DCAF17: variants seen among roughly 807,000 people sequenced by gnomAD.
DCAF17 encodes DDB1- and CUL4-associated factor 17.
Under a neutral mutation model 66.0 loss-of-function variants are expected in DCAF17, and 48 were observed. That is an observed-to-expected ratio of 0.73 (90% CI 0.58 to 0.92). DCAF17 has a LOEUF of 0.92. DCAF17 is among the 40% of genes least tolerant of loss of function. The pLI, the probability that DCAF17 is intolerant of heterozygous loss-of-function variation, is 0.00. For synonymous variants in DCAF17, 206 were observed against 214.6 expected, an observed-to-expected ratio of 0.96 and a Z score of 0.35; for missense variants, 562 against 622.8, an observed-to-expected ratio of 0.90 and a Z score of 1.04.
rs1695576359 is a variant in DCAF17, at chr2:171,461,355, AG to A, written c.838+2880del. On this transcript the variant is annotated intron_variant, in intron 8 of 13. Transcript: ENST00000375255. ...GGCAGGAGAATTGCTTGAACCCAGGAGGCAGAGGTTGCAGTGAGCCGAGATC... is the reference window on the plus strand; with the variant it reads ...GGCAGGAGAATTGCTTGAACCCAGGAGCAGAGGTTGCAGTGAGCCGAGATC... 2.0e-5 allele frequency among the ~76,000 whole-genome samples: 3 copies of A among 152,164 alleles called. No individual in the cohort carries two copies. In the South Asian group the frequency reaches 6.2e-4, roughly 32 times the overall value.
At chr2:171,454,789 C>T (rs1189267457) in intron 6 of DCAF17, among the ~76,000 whole-genome samples, 4 of 151,148 alleles carry the variant, frequency 2.6e-5, no homozygotes, top group African/African-American at 7.3e-5. Context: ...CCCAGCTACT[C>T]GGGAGGCTGA....
intron 11 of DCAF17, among the ~76,000 whole-genome samples, chr2:171,477,446 T>C (rs1268304235): frequency 1.5e-5 from 2 of 137,434 alleles, no homozygotes; most frequent in South Asian, 2.4e-4. Context: ...CTATAATCTT[T>C]TAAATAATTT....
intron 8 of DCAF17, among the ~76,000 whole-genome samples, chr2:171,465,204 G>GAAA (rs1198249311): frequency 1.5e-5 from 2 of 134,270 alleles, no homozygotes; most frequent in Non-Finnish European, 1.6e-5. Flanking sequence ...TCTCAAAAAG[G>GAAA]AAAAAAAAAA....
At chr2:171,434,862 G>C in intron 1 of DCAF17, 159 bp downstream of exon 1, 1 of 1,168,870 alleles carries the variant, frequency 8.6e-7, no homozygotes, top group Non-Finnish European at 1.2e-6. Context: ...GGTGGTAATA[G>C]GGCCACCAGC....
chr2:171,436,882 C>G (rs933385904), intron 2 of DCAF17, among the ~76,000 whole-genome samples: 1 of 150,416 alleles, frequency 6.6e-6, no homozygotes, highest in African/African-American at 2.4e-5. Context: ...TCAGGTGATT[C>G]TCCTGCCTCA....
intron 8 of DCAF17, among the ~76,000 whole-genome samples, chr2:171,466,268 CCTT>C (rs1370288249): frequency 5.3e-5 from 8 of 151,948 alleles, no homozygotes; most frequent in East Asian, 3.8e-4. Context: ...CAGGTGTAGC[CCTT>C]CTTCTTTGAT....
Position 171,458,025 on chromosome 2 carries a change from T to C in DCAF17, c.682T>C (p.Tyr228His), listed in dbSNP as rs1163628917. The C allele has an allele frequency of 6.2e-7, 1 of 1,614,116 alleles. No individual in the cohort carries two copies. The highest frequency in any genetic ancestry group is 2.2e-5 in the East Asian group (1 of 44,882). The change falls in exon 7 of 14, where the codon TAC (tyrosine) becomes CAC (histidine). Residue 228 changes from tyrosine to histidine, a missense_variant. By Grantham distance (83) the Tyr-to-His change is moderately conservative (BLOSUM62 2). Transcript: ENST00000375255. The part of the protein sequence containing the change: ...TLSHGILIVM[Y>H]SSGLVRLYSF... Reference sequence around the variant, plus strand: ...GTCTCATGGAATACTGATTGTGATGTACAGCTCAGGACTGGTCAGACTCTA... The same window carrying C: ...GTCTCATGGAATACTGATTGTGATGCACAGCTCAGGACTGGTCAGACTCTA...
chr2:171,450,684 G>A (rs1694899317), intron 5 of DCAF17, among the ~76,000 whole-genome samples: 1 of 152,076 alleles, frequency 6.6e-6, no homozygotes, highest in African/African-American at 2.4e-5. Context: ...GTCTCCCCTT[G>A]GCAGAGTCTG....
At chr2:171,440,541 T>A (rs1166388836) in intron 2 of DCAF17, among the ~76,000 whole-genome samples, 6 of 152,282 alleles carry the variant, frequency 3.9e-5, no homozygotes, top group African/African-American at 1.4e-4. Flanking sequence ...GCCACTGCAC[T>A]CCAGCCTGAG....
In DCAF17 at chr2:171,479,876, C is replaced by T. The variant is rs1696662813; in HGVS notation, c.1267-162C>T. 6 of 738,116 alleles carry T rather than the reference C, an allele frequency of 8.1e-6. No individual in the cohort carries two copies. In the South Asian group the frequency reaches 1.1e-4, roughly 14 times the overall value. 45.7% of individuals were successfully genotyped at this position (738,116 alleles called of 1,614,324 possible). On this transcript the variant is annotated intron_variant, in intron 12 of 13. Coordinates refer to ENST00000375255, the MANE Select transcript of DCAF17 (RefSeq NM_025000.4). ...ATCTTGGAGCTGATGTTTTACTAGG[C>T]ATATAAACAGATACATTTCTACCTA...
intron 5 of DCAF17, among the ~76,000 whole-genome samples, chr2:171,450,967 A>G (rs986925219): frequency 4.6e-5 from 7 of 151,972 alleles, no homozygotes; most frequent in African/African-American, 1.5e-4. Context: ...GCTCTTATGC[A>G]CTGTAGTAAG....
rs758748448 is a variant in DCAF17 at position 171,484,584 on chromosome 2, A to AT, written c.*3477dup. On this transcript the variant is annotated 3_prime_UTR_variant, in exon 14 of 14. Coordinates refer to ENST00000375255, the MANE Select transcript of DCAF17 (RefSeq NM_025000.4). Reference sequence around the variant, plus strand: ...AGTTTAGTATTTATTTAGTTTTTAAATTTTTTTGATTTAAGATTTACCTGC... The same window carrying AT: ...AGTTTAGTATTTATTTAGTTTTTAAATTTTTTTTGATTTAAGATTTACCTGC... 33 of 451,762 alleles carry AT rather than the reference A, an allele frequency of 7.3e-5. No homozygotes were observed. The highest frequency in any genetic ancestry group is 1.3e-4 in the Non-Finnish European group (29 of 226,234). The allele number at this position is 451,762 out of a possible 1,614,324, so 28.0% of individuals were successfully genotyped here.
intron 8 of DCAF17, among the ~76,000 whole-genome samples, chr2:171,463,138 C>T (rs778717106): frequency 3.3e-5 from 5 of 150,312 alleles, no homozygotes; most frequent in Non-Finnish European, 5.9e-5. Flanking sequence ...GGCTGAGGCA[C>T]GAGAATCACT....
In DCAF17 at chr2:171,485,018, T is replaced by C. The variant is rs1444239790; in HGVS notation, c.*3904T>C. On this transcript the variant is annotated 3_prime_UTR_variant, in exon 14 of 14. Coordinates refer to ENST00000375255, the MANE Select transcript of DCAF17 (RefSeq NM_025000.4). ...GGCTCTTTCTGCTTGTTTTTTACTGTTATGAATAAAGCTGCTATGAACATT... is the reference window on the plus strand; with the variant it reads ...GGCTCTTTCTGCTTGTTTTTTACTGCTATGAATAAAGCTGCTATGAACATT... The C allele has an allele frequency of 8.8e-6, 4 of 453,848 alleles. No homozygotes were observed. Among genetic ancestry groups the C allele is most frequent in the Non-Finnish European group, 1.8e-5 (4 of 226,752 alleles). 28.1% of individuals were successfully genotyped at this position (453,848 alleles called of 1,614,324 possible). A position where few individuals can be genotyped will look rare whatever the true frequency, so the allele number is the denominator to read the frequency against.
At position 171,484,989 on chromosome 2, in the gene DCAF17, A is replaced by G; in HGVS notation, c.*3875A>G. The G allele has an allele frequency of 4.4e-6, 2 of 453,976 alleles. No homozygotes were observed. Among genetic ancestry groups the G allele is most frequent in the Non-Finnish European group, 8.8e-6 (2 of 226,764 alleles). 28.1% of individuals were successfully genotyped at this position (453,976 alleles called of 1,614,324 possible). A position where few individuals can be genotyped will look rare whatever the true frequency, so the allele number is the denominator to read the frequency against. On this transcript the variant is annotated 3_prime_UTR_variant, in exon 14 of 14. Transcript: ENST00000375255. The stretch of plus-strand genomic sequence containing the variant: ...TTTTTTTATCTTTCTGTTGATGGAC[A>G]CTGGGCTCTTTCTGCTTGTTTTTTA...
Position 171,458,367 on chromosome 2 carries a change from TTTAG to T in DCAF17, c.733-2_734del. 6.2e-7 allele frequency: 1 copy of T among 1,613,618 alleles called. No homozygotes were observed. Among genetic ancestry groups the T allele is most frequent in the Non-Finnish European group, 8.5e-7 (1 of 1,179,592 alleles). Reference sequence around the variant, plus strand: ...GCCACCATTTTTGTTTTGTTTTGTTTTTAGTTCATGCAACAGAAACTTGACTTAG... The same window carrying T: ...GCCACCATTTTTGTTTTGTTTTGTTTTTCATGCAACAGAAACTTGACTTAG... On this transcript the variant is annotated splice_acceptor_variant and splice_polypyrimidine_tract_variant and intron_variant, in intron 7 of 13. Transcript: ENST00000375255. LOFTEE classifies it high-confidence loss of function.
intron 8 of DCAF17, among the ~76,000 whole-genome samples, chr2:171,466,304 G>A (rs72882335): frequency 0.057 from 8,740 of 152,148 alleles, 336 homozygotes; most frequent in Middle Eastern, 0.15. Context: ...TATTTTGTAT[G>A]CTTTATGTTA....
At position 171,483,649 on chromosome 2, in the gene DCAF17, C is replaced by A. The variant is rs1339928313; in HGVS notation, c.*2535C>A. ...ATTGAAAGTTTTGTATCTTACAGTT[C>A]TTTTTTTAAATAATATATTTATTGA... On this transcript the variant is annotated 3_prime_UTR_variant, in exon 14 of 14. Coordinates refer to ENST00000375255, the MANE Select transcript of DCAF17 (RefSeq NM_025000.4). The A allele has an allele frequency of 2.4e-5, 11 of 453,702 alleles. No individual in the cohort carries two copies. The East Asian group carries it at 7.6e-4, about 31-fold the overall frequency. The allele number at this position is 453,702 out of a possible 1,614,324, so 28.1% of individuals were successfully genotyped here. A position where few individuals can be genotyped will look rare whatever the true frequency, so the allele number is the denominator to read the frequency against.
chr2:171,463,120 A>G (rs1312195520), intron 8 of DCAF17, among the ~76,000 whole-genome samples: 8 of 151,834 alleles, frequency 5.3e-5, no homozygotes, highest in Non-Finnish European at 1.2e-4. Flanking sequence ...GATCCCAGCT[A>G]CTCAGGAGGC....
Sources: gnomAD v4.1 joint callset for allele counts (sites outside exome capture counted in the v4.1 genomes callset) on GRCh38, gnomAD v4.1.1 for gene constraint, MANE v1.5 for transcripts, NCBI Gene and HGNC (gene_info 2026-07-23, HGNC 2026-07-21) for gene names.